HMCN2: variants seen among roughly 807,000 people sequenced by gnomAD.
The protein encoded by HMCN2 is hemicentin-2.
HMCN2 carries 325 observed loss-of-function variants against 377.5 expected under a neutral mutation model. That is an observed-to-expected ratio of 0.86 (90% CI 0.79 to 0.94). HMCN2 has a LOEUF of 0.94. Ranked by LOEUF, HMCN2 falls within the 40% of genes least tolerant of loss-of-function variation. The pLI is 0.00. For missense variants in HMCN2, 4,543 were observed against 4,725.3 expected (o/e 0.96, Z 1.13); for synonymous variants, 2,007 against 2,046.8 (o/e 0.98, Z 0.53).
chr9:130,384,504 T>A lies in HMCN2; in HGVS notation c.8962T>A (p.Ser2988Thr). 1 of 1,304,206 alleles carries A rather than the reference T, an allele frequency of 7.7e-7. No individual in the cohort carries two copies. The highest frequency in any genetic ancestry group is 1.5e-5 in the African/African-American group (1 of 65,956). 80.8% of individuals were successfully genotyped at this position (1,304,206 alleles called of 1,614,324 possible). The change falls in exon 58 of 98, where the codon TCC becomes ACC. Residue 2988 changes from serine (S) to threonine (T), a missense_variant. By Grantham distance (58) the Ser-to-Thr change is moderately conservative. Transcript: ENST00000683500. ...VTWYKDSQALSLGEEVFLLPG... is the reference protein window; with the variant it reads ...VTWYKDSQALTLGEEVFLLPG... ...GTGGTACAAGGACAGCCAGGCCCTC[T>A]CCCTGGGTGAAGAGGTCTTCCTCCT...
At chr9:130,316,510 C>T (rs920056684) in intron 15 of HMCN2, among the ~76,000 whole-genome samples, 8 of 152,156 alleles carry the variant, frequency 5.3e-5, no homozygotes, top group Non-Finnish European at 1.2e-4. Flanking sequence ...GTGGCAGGCC[C>T]CTTTCACCAG....
intron 23 of HMCN2, chr9:130,338,570 C>G (rs1838881942): frequency 1.3e-5 from 2 of 152,394 alleles, no homozygotes; most frequent in African/African-American, 4.8e-5. Context: ...ATCCCTTCCT[C>G]TAGTCCAAGG....
intron 94 of HMCN2, 166 bp from the exon 95 acceptor site, chr9:130,430,118 C>T: frequency 1.6e-6 from 1 of 643,626 alleles, no homozygotes; most frequent in Non-Finnish European, 2.7e-6. Flanking sequence ...GGAGAGGAGG[C>T]TGGAGTTGGT....
chr9:130,331,156 T>TA (rs878935592), intron 22 of HMCN2, among the ~76,000 whole-genome samples: 1,914 of 139,284 alleles, frequency 0.014, 14 homozygotes, highest in African/African-American at 0.021. Flanking sequence ...GACTCTGTCT[T>TA]AAAAAAAAAA....
At chr9:130,325,468 T>C (rs1838082950) in intron 19 of HMCN2, 127 bp from the exon 20 acceptor site, 1 of 152,238 alleles carries the variant, frequency 6.6e-6, no homozygotes, top group South Asian at 2.1e-4. Flanking sequence ...ACTCTTCTGT[T>C]GTGTGCACAC....
intron 79 of HMCN2, 86 bp from the exon 80 acceptor site, chr9:130,403,655 C>T (rs1347938680): frequency 5.8e-6 from 7 of 1,213,760 alleles, no homozygotes; most frequent in Non-Finnish European, 7.4e-6. Flanking sequence ...CATTTGCTGC[C>T]TGTGAGACAG....
chr9:130,371,428 A>G (rs1282796576), intron 46 of HMCN2, among the ~76,000 whole-genome samples: 1 of 151,930 alleles, frequency 6.6e-6, no homozygotes, highest in African/African-American at 2.4e-5. Context: ...AAAAAAAAAC[A>G]AACTTTGGCA....
chr9:130,334,754 C>T (rs1440138194), intron 22 of HMCN2, among the ~76,000 whole-genome samples: 69 of 93,940 alleles, frequency 7.3e-4, no homozygotes, highest in African/African-American at 2.1e-3. Context: ...CTTTCTCTCT[C>T]TCTCTTCTCT....
intron 57 of HMCN2, among the ~76,000 whole-genome samples, chr9:130,383,862 A>T (rs966655024): frequency 5.9e-5 from 9 of 152,204 alleles, no homozygotes; most frequent in Admixed American, 2.0e-4. Context: ...ACCTGACACG[A>T]GGCTGAGCAC....
At chr9:130,412,057 C>T (rs951186811) in intron 85 of HMCN2, among the ~76,000 whole-genome samples, 104 of 152,272 alleles carry the variant, frequency 6.8e-4, no homozygotes, top group Non-Finnish European at 4.6e-4. Flanking sequence ...CTGCAACCTC[C>T]GCCTCCCGGG....
chr9:130,392,092 C>T lies in HMCN2; in HGVS notation c.10110C>T (p.Leu3370=), dbSNP rs931823518. The T allele has an allele frequency of 1.0e-4, 102 of 988,322 alleles. No individual in the cohort carries two copies. The African/African-American group carries it at 1.6e-3, about 16-fold the overall frequency. The allele number at this position is 988,322 out of a possible 1,614,324, so 61.2% of individuals were successfully genotyped here. ...CCCTCCCGCTCTCCCAGCGCACCCTCCTCCACGGCTCTGGCCACACCCTCA... is the reference window on the plus strand; with the variant it reads ...CCCTCCCGCTCTCCCAGCGCACCCTTCTCCACGGCTCTGGCCACACCCTCA... ...GLPLPLSQRT[L]LHGSGHTLRI... is the part of the protein sequence containing the mutation. The change falls in exon 66 of 98, where the codon CTC becomes CTT. Residue 3370 remains leucine (L), a synonymous_variant. Transcript: ENST00000683500.
chr9:130,331,653 G>C (rs930590533), intron 22 of HMCN2, among the ~76,000 whole-genome samples: 1 of 152,148 alleles, frequency 6.6e-6, no homozygotes, highest in African/African-American at 2.4e-5. Flanking sequence ...GAAATGAAAG[G>C]GTTGGACAGG....
rs1841804293 is a variant in HMCN2 at position 130,382,831 on chromosome 9, C to T, written c.8698C>T (p.Arg2900Trp). Reference protein sequence around the residue: ...QNGLPFSPSPRLQVLEDGQVL... With the variant: ...QNGLPFSPSPWLQVLEDGQVL... ...TGGGCTGCCTTTCTCCCCGAGCCCA[C>T]GGCTGCAGGTCCTGGAGGACGGGCA... The change falls in exon 56 of 98, where the codon CGG becomes TGG. Residue 2900 changes from arginine to tryptophan, a missense_variant. This residue lies in a region of HMCN2 where 736 missense variants were observed against 773.2 expected (regional missense o/e 0.95). Coordinates refer to ENST00000683500, the MANE Select transcript of HMCN2 (RefSeq NM_001291815.2). The T allele has an allele frequency of 1.0e-6, 1 of 985,902 alleles. No individual in the cohort carries two copies. Among genetic ancestry groups the T allele is most frequent in the Non-Finnish European group, 1.2e-6 (1 of 829,934 alleles). 61.1% of individuals were successfully genotyped at this position (985,902 alleles called of 1,614,324 possible). A position where few individuals can be genotyped will look rare whatever the true frequency, so the allele number is the denominator to read the frequency against.
At chr9:130,272,857 C>T (rs1427671171) in intron 1 of HMCN2, among the ~76,000 whole-genome samples, 3 of 152,192 alleles carry the variant, frequency 2.0e-5, no homozygotes, top group Non-Finnish European at 2.9e-5. Context: ...TGCGCCTGGC[C>T]GAGCATCTTC....
chr9:130,287,704 G>A (rs537257663), intron 4 of HMCN2, among the ~76,000 whole-genome samples: 11 of 152,224 alleles, frequency 7.2e-5, no homozygotes, highest in African/African-American at 2.4e-4. Context: ...TGTGAGTCCC[G>A]ATGGCCACAG....
chr9:130,386,495 C>A lies in HMCN2; in HGVS notation c.9362C>A (p.Ala3121Asp). 7.7e-7 allele frequency: 1 copy of A among 1,303,716 alleles called. No individual in the cohort carries two copies. The highest frequency in any genetic ancestry group is 1.0e-6 in the Non-Finnish European group (1 of 988,872). The allele number at this position is 1,303,716 out of a possible 1,614,324, so 80.8% of individuals were successfully genotyped here. A position where few individuals can be genotyped will look rare whatever the true frequency, so the allele number is the denominator to read the frequency against. ...SCKVSNVAGE[A>D]VRTFTLTVQV... ...AAAGTCAGCAACGTGGCTGGGGAGGCCGTGCGGACCTTCACCCTCACCGTC... is the reference window on the plus strand; with the variant it reads ...AAAGTCAGCAACGTGGCTGGGGAGGACGTGCGGACCTTCACCCTCACCGTC... The change falls in exon 61 of 98, where the codon GCC becomes GAC. Residue 3121 changes from alanine (A) to aspartate (D), a missense_variant. Transcript: ENST00000683500.
chr9:130,300,464 G>T (rs535022100), intron 8 of HMCN2, among the ~76,000 whole-genome samples: 1 of 152,328 alleles, frequency 6.6e-6, no homozygotes, highest in South Asian at 2.1e-4. Context: ...GGGCAGTCCT[G>T]GGCCAAGCTC....
intron 88 of HMCN2, 45 bp from the exon 89 acceptor site, chr9:130,424,964 A>G (rs1325657450): frequency 6.6e-7 from 1 of 1,507,516 alleles, no homozygotes; most frequent in Middle Eastern, 1.7e-4. Flanking sequence ...GCCTGCGCCC[A>G]GGACCTCCCG....
chr9:130,368,208 T>G, intron 43 of HMCN2, 68 bp from the exon 44 acceptor site: 2 of 948,874 alleles, frequency 2.1e-6, no homozygotes, highest in Non-Finnish European at 2.5e-6. Context: ...GGACAAACTT[T>G]CCATGTGGAA....
Sources: allele counts gnomAD v4.1 joint callset (sites outside exome capture counted in the v4.1 genomes callset), GRCh38; gene constraint gnomAD v4.1.1; regional missense constraint gnomAD v4.1.1; transcripts MANE v1.5; gene names NCBI Gene and HGNC (gene_info 2026-07-23, HGNC 2026-07-21).